UBR2: variants seen among roughly 807,000 people sequenced by gnomAD.
The protein encoded by UBR2 is ubiquitin protein ligase E3 component n-recognin 2.
UBR2 carries 92 observed loss-of-function variants against 247.9 expected under a neutral mutation model. The observed-to-expected ratio is 0.37, with a 90% CI of 0.31 to 0.44. The LOEUF (loss-of-function observed/expected upper bound fraction) is 0.44. UBR2 is among the 20% of genes least tolerant of loss of function. The pLI is 1.00. For synonymous variants in UBR2, 672 were observed against 693.5 expected, an observed-to-expected ratio of 0.97 and a Z score of 0.49; for missense variants, 1,613 against 2,112.6, an observed-to-expected ratio of 0.76 and a Z score of 4.64.
intron 42 of UBR2, among the ~76,000 whole-genome samples, chr6:42,680,960 G>A (rs1435302426): frequency 2.6e-5 from 4 of 152,006 alleles, no homozygotes; most frequent in Admixed American, 6.6e-5. Context: ...TCAGGAGATC[G>A]AGACCATCCT....
At chr6:42,610,629 A>G (rs940616300) in intron 7 of UBR2, among the ~76,000 whole-genome samples, 1 of 152,202 alleles carries the variant, frequency 6.6e-6, no homozygotes, top group Non-Finnish European at 1.5e-5. Context: ...CCTACCTAGC[A>G]TTGTCATATC....
chr6:42,566,808 T>C (rs1790807397), intron 1 of UBR2, among the ~76,000 whole-genome samples: 1 of 152,124 alleles, frequency 6.6e-6, no homozygotes, highest in South Asian at 2.1e-4. Flanking sequence ...CATAGCTCAC[T>C]GCAGCCTTGA....
intron 42 of UBR2, among the ~76,000 whole-genome samples, chr6:42,681,501 A>G (rs1416149720): frequency 1.3e-5 from 2 of 152,266 alleles, no homozygotes; most frequent in African/African-American, 2.4e-5. Flanking sequence ...GCATACGAAA[A>G]GATGCTCAAC....
chr6:42,572,458 T>C (rs1408950130), intron 1 of UBR2, among the ~76,000 whole-genome samples: 1 of 57,458 alleles, frequency 1.7e-5, no homozygotes, highest in Non-Finnish European at 3.6e-5. Context: ...TTGAACATAC[T>C]TTTTTTTTTT....
chr6:42,675,698 G>A (rs1270202036), intron 38 of UBR2, among the ~76,000 whole-genome samples: 4 of 152,110 alleles, frequency 2.6e-5, no homozygotes, highest in African/African-American at 4.8e-5. Context: ...GGTGGCTCAC[G>A]CCTGTAATCC....
chr6:42,662,181 C>A lies in UBR2; in HGVS notation c.3443-3C>A. ...TTTTGTTTTGTTTTGTTTTGTAATGCAGAAAAATATGATCCATTATTCATG... is the reference window on the plus strand; with the variant it reads ...TTTTGTTTTGTTTTGTTTTGTAATGAAGAAAAATATGATCCATTATTCATG... On this transcript the variant is annotated splice_region_variant and splice_polypyrimidine_tract_variant and intron_variant, in intron 30 of 46. Transcript: ENST00000372901. The A allele has an allele frequency of 6.3e-7, 1 of 1,582,420 alleles. No individual in the cohort carries two copies. Among genetic ancestry groups the A allele is most frequent in the Non-Finnish European group, 8.6e-7 (1 of 1,160,978 alleles).
intron 22 of UBR2, among the ~76,000 whole-genome samples, chr6:42,648,465 T>A (rs959530072): frequency 6.6e-6 from 1 of 152,186 alleles, no homozygotes; most frequent in Admixed American, 6.5e-5. Context: ...TCTAAGTAAA[T>A]GCATTGTAAT....
intron 32 of UBR2, 101 bp from the exon 33 acceptor site, chr6:42,665,300 TTTTTAATA>T (rs1798043285): frequency 2.6e-6 from 2 of 768,688 alleles, no homozygotes; most frequent in South Asian, 5.4e-5. Context: ...ATCCTTTTTG[TTTTTAATA>T]TTTGGAGTGT....
intron 40 of UBR2, among the ~76,000 whole-genome samples, chr6:42,677,915 C>T (rs532417645): frequency 6.6e-6 from 1 of 152,152 alleles, no homozygotes; most frequent in Non-Finnish European, 1.5e-5. Flanking sequence ...CTCCTAGGAG[C>T]TGGGTGCAGT....
intron 15 of UBR2, among the ~76,000 whole-genome samples, chr6:42,637,915 C>G (rs984279186): frequency 6.6e-6 from 1 of 152,124 alleles, no homozygotes; most frequent in Non-Finnish European, 1.5e-5. Flanking sequence ...TCTTTAGTTC[C>G]GTTTTAACTC....
At position 42,595,033 on chromosome 6, in the gene UBR2, A is replaced by G. The variant is rs144295004; in HGVS notation, c.531+729A>G. The stretch of plus-strand genomic sequence containing the variant: ...TAATTGACAATAATTGTACATATTT[A>G]TGGGGTACAGCGTGATATTTATGGG... On this transcript the variant is annotated intron_variant, in intron 4 of 46. Transcript: ENST00000372901. Among the ~76,000 whole-genome samples, 104 of 152,270 alleles carry G rather than the reference A, an allele frequency of 6.8e-4. 1 individual carries two copies. Among genetic ancestry groups the G allele is most frequent in the Middle Eastern group, 6.8e-3 (2 of 294 alleles).
At chr6:42,682,918 C>A in intron 42 of UBR2, 137 bp from the exon 43 acceptor site, 1 of 682,274 alleles carries the variant, frequency 1.5e-6, no homozygotes, top group Non-Finnish European at 2.4e-6. Flanking sequence ...AATAGTATTT[C>A]TACAGGTTTC....
chr6:42,680,829 G>A (rs1798996370), intron 42 of UBR2, among the ~76,000 whole-genome samples: 1 of 152,202 alleles, frequency 6.6e-6, no homozygotes, highest in Admixed American at 6.5e-5. Context: ...AGCACTTTGG[G>A]AGGCAGAAGT....
rs1353226798 is a variant in UBR2 at position 42,615,203 on chromosome 6, G to A, written c.1093+25G>A. 9 of 1,570,622 alleles carry A rather than the reference G, an allele frequency of 5.7e-6. No individual in the cohort carries two copies. The Admixed American group carries it at 8.8e-5, about 15-fold the overall frequency. ...GGTGAATCTCTTAACTACTTTTAAG[G>A]TGTAGAGGAACCTATATAAGTAATT... On this transcript the variant is annotated intron_variant, in intron 9 of 46. Transcript: ENST00000372901.
At chr6:42,634,675 G>C (rs1178822071) in intron 13 of UBR2, among the ~76,000 whole-genome samples, 1 of 152,060 alleles carries the variant, frequency 6.6e-6, no homozygotes, top group Non-Finnish European at 1.5e-5. Context: ...GGCTGGTCTT[G>C]AATTCCTGAC....
At chr6:42,603,092 A>C (rs990248709) in intron 4 of UBR2, among the ~76,000 whole-genome samples, 7 of 152,194 alleles carry the variant, frequency 4.6e-5, no homozygotes, top group Admixed American at 6.6e-5. Flanking sequence ...GAAAGTAGAC[A>C]AGAGAGTGCT....
Position 42,641,460 on chromosome 6 carries a change from T to C in UBR2, c.1921-122T>C, listed in dbSNP as rs561049851. On this transcript the variant is annotated intron_variant, in intron 16 of 46. Coordinates refer to ENST00000372901, the MANE Select transcript of UBR2 (RefSeq NM_001363705.2). ...GAGACTCTGTCTCAAAAAATAATAA[T>C]AATAATAATTTATATTGTGTTTTAT... 6 of 618,098 alleles carry C rather than the reference T, an allele frequency of 9.7e-6. No homozygotes were observed. The East Asian group carries it at 2.3e-4, about 23-fold the overall frequency. The allele number at this position is 618,098 out of a possible 1,614,324, so 38.3% of individuals were successfully genotyped here. A position where few individuals can be genotyped will look rare whatever the true frequency, so the allele number is the denominator to read the frequency against.
intron 11 of UBR2, chr6:42,619,449 A>ATTTTTT (rs1422611425): frequency 3.4e-5 from 1 of 29,082 alleles, no homozygotes; most frequent in African/African-American, 1.1e-4. Context: ...ATATATATAT[A>ATTTTTT]TATATTTTTT....
At chr6:42,688,409 T>TAAAAA in intron 45 of UBR2, 23 bp downstream of exon 45, 1 of 1,610,576 alleles carries the variant, frequency 6.2e-7, no homozygotes, top group Non-Finnish European at 8.5e-7. Context: ...AGGGGCTTTT[T>TAAAAA]AGCTTTGGAT....
Sources: allele counts gnomAD v4.1 joint callset (sites outside exome capture counted in the v4.1 genomes callset), GRCh38; gene constraint gnomAD v4.1.1; transcripts MANE v1.5; gene names NCBI Gene and HGNC (gene_info 2026-07-23, HGNC 2026-07-21).